The following DLG2 variants were observed in gnomAD, a reference collection of about 807,000 sequenced individuals.
The protein encoded by DLG2 is discs large MAGUK scaffold protein 2.
In DLG2, 45 loss-of-function variants were observed where a neutral mutation model predicts 132.5. The ratio of observed to expected loss-of-function variants is 0.34; its 90% CI spans 0.27 to 0.44. The LOEUF is 0.44. DLG2 is among the 20% of genes least tolerant of loss of function. The pLI, the probability that DLG2 is intolerant of heterozygous loss-of-function variation, is 1.00. For synonymous variants in DLG2, 424 were observed against 419.6 expected (o/e 1.01, Z -0.13); for missense variants, 1,045 against 1,196.9 (o/e 0.87, Z 1.87).
chr11:85,533,128 A>T (rs1306198703), intron 3 of DLG2, among the ~76,000 whole-genome samples: 1 of 152,120 alleles, frequency 6.6e-6, no homozygotes, highest in African/African-American at 2.4e-5. Flanking sequence ...GGTTCAAGCA[A>T]TTCCCCTGCT....
At chr11:85,540,648 A>G (rs985943740) in intron 3 of DLG2, among the ~76,000 whole-genome samples, 42 of 152,246 alleles carry the variant, frequency 2.8e-4, no homozygotes, top group Admixed American at 2.7e-3. Flanking sequence ...GATAAAGCAG[A>G]GGCTCTAATT....
At chr11:84,205,187 G>C (rs1310184851) in intron 8 of DLG2, among the ~76,000 whole-genome samples, 1 of 152,180 alleles carries the variant, frequency 6.6e-6, no homozygotes, top group Admixed American at 6.5e-5. Flanking sequence ...TCAGCAGAAA[G>C]ACAAAGCAAT....
chr11:83,530,698 G>A (rs1442757510), intron 21 of DLG2, among the ~76,000 whole-genome samples: 1 of 151,954 alleles, frequency 6.6e-6, no homozygotes, highest in Non-Finnish European at 1.5e-5. Context: ...AGACAAAAAT[G>A]TCTGCTCTTG....
At chr11:85,579,927 G>A (rs1050660552) in intron 3 of DLG2, among the ~76,000 whole-genome samples, 3 of 152,108 alleles carry the variant, frequency 2.0e-5, no homozygotes, top group African/African-American at 7.2e-5. Flanking sequence ...GTTTGGCTGT[G>A]TCCCCACCCA....
chr11:84,953,202 T>G (rs913224792), intron 6 of DLG2, among the ~76,000 whole-genome samples: 1 of 152,218 alleles, frequency 6.6e-6, no homozygotes, highest in African/African-American at 2.4e-5. Context: ...TGGGGGTGTT[T>G]CCTATAGTTC....
chr11:85,034,507 C>T (rs1223469792), intron 6 of DLG2, among the ~76,000 whole-genome samples: 4 of 152,072 alleles, frequency 2.6e-5, no homozygotes, highest in African/African-American at 9.7e-5. Context: ...GGTAAGCCAA[C>T]GTGAAGTAAC....
intron 7 of DLG2, among the ~76,000 whole-genome samples, chr11:84,441,321 AT>A (rs1164928968): frequency 6.6e-6 from 1 of 151,508 alleles, no homozygotes; most frequent in Non-Finnish European, 1.5e-5. Flanking sequence ...TAATTTTTAA[AT>A]TTTTTCTCTT....
intron 19 of DLG2, among the ~76,000 whole-genome samples, chr11:83,591,099 C>A (rs1191290424): frequency 6.6e-6 from 1 of 151,918 alleles, no homozygotes; most frequent in Admixed American, 6.6e-5. Context: ...TGAAACTATT[C>A]CAATCAATAG....
chr11:85,235,654 A>G (rs77846831), intron 4 of DLG2, among the ~76,000 whole-genome samples: 3,986 of 152,068 alleles, frequency 0.026, 72 homozygotes, highest in Admixed American at 0.04. Context: ...GTATGTTCAG[A>G]AAACAATGAG....
Position 83,566,118 on chromosome 11 carries a change from G to A in DLG2, c.1941-24260C>T, listed in dbSNP as rs553675860. Among the ~76,000 whole-genome samples, 137 of 152,240 alleles carry A rather than the reference G, an allele frequency of 9.0e-4. 1 individual carries two copies. In the South Asian group the frequency reaches 9.1e-3, roughly 10 times the overall value. On this transcript the variant is annotated intron_variant, in intron 19 of 27. Transcript: ENST00000376104. The stretch of plus-strand genomic sequence containing the variant: ...AGAAATATAATTTCCCAGAAGAAGG[G>A]TACACAAGAAATGTGTGGCTTAAAA...
At chr11:85,617,552 A>T (rs2081421291) in intron 2 of DLG2, among the ~76,000 whole-genome samples, 1 of 152,256 alleles carries the variant, frequency 6.6e-6, no homozygotes, top group African/African-American at 2.4e-5. Flanking sequence ...TGCATCTGGC[A>T]CTATGCCTGG....
chr11:85,142,019 CATG>C (rs2076521089), intron 5 of DLG2, among the ~76,000 whole-genome samples: 1 of 151,488 alleles, frequency 6.6e-6, no homozygotes, highest in Admixed American at 6.6e-5. Context: ...TTTTGTTGCC[CATG>C]ATGGCTTTGG....
intron 5 of DLG2, among the ~76,000 whole-genome samples, chr11:85,141,196 G>A (rs2076446852): frequency 6.6e-6 from 1 of 151,758 alleles, no homozygotes; most frequent in African/African-American, 2.4e-5. Context: ...CAGTGTATGA[G>A]GGTTACCCTT....
At chr11:83,788,241 C>T (rs546932195) in intron 17 of DLG2, among the ~76,000 whole-genome samples, 43 of 152,296 alleles carry the variant, frequency 2.8e-4, no homozygotes, top group African/African-American at 6.7e-4. Context: ...GACATCCATA[C>T]GCTTAAATTC....
At chr11:83,625,650 G>T (rs1165165925) in intron 19 of DLG2, among the ~76,000 whole-genome samples, 1 of 152,214 alleles carries the variant, frequency 6.6e-6, no homozygotes, top group Non-Finnish European at 1.5e-5. Flanking sequence ...TTGAGAATGA[G>T]GTTCACCCTG....
At chr11:84,254,389 A>C (rs2097432659) in intron 7 of DLG2, among the ~76,000 whole-genome samples, 1 of 152,192 alleles carries the variant, frequency 6.6e-6, no homozygotes, top group African/African-American at 2.4e-5. Flanking sequence ...CTGTATGTCT[A>C]AAAATTGGCA....
intron 17 of DLG2, among the ~76,000 whole-genome samples, chr11:83,808,459 G>C (rs2046468147): frequency 6.6e-6 from 1 of 152,124 alleles, no homozygotes; most frequent in Admixed American, 6.5e-5. Context: ...AAGCACAAGG[G>C]CAGCAGTCAT....
intron 6 of DLG2, among the ~76,000 whole-genome samples, chr11:84,684,732 G>A (rs2099736521): frequency 6.6e-6 from 1 of 152,044 alleles, no homozygotes; most frequent in African/African-American, 2.4e-5. Context: ...AAATTTCCAT[G>A]AAACCAAATA....
chr11:84,634,082 T>C (rs1291165112), intron 6 of DLG2, among the ~76,000 whole-genome samples: 1 of 152,176 alleles, frequency 6.6e-6, no homozygotes, highest in Non-Finnish European at 1.5e-5. Context: ...ACTTGAGGCA[T>C]CTGCAGCTTG....
Sources: gnomAD v4.1 joint callset for allele counts (sites outside exome capture counted in the v4.1 genomes callset) on GRCh38, gnomAD v4.1.1 for gene constraint, MANE v1.5 for transcripts, NCBI Gene and HGNC (gene_info 2026-07-23, HGNC 2026-07-21) for gene names.